KIF26B: variants seen among roughly 807,000 people sequenced by gnomAD.
The protein encoded by KIF26B is kinesin-like protein KIF26B.
In KIF26B, 63 loss-of-function variants were observed where a neutral mutation model predicts 151.2. The observed-to-expected ratio is 0.42, with a 90% CI of 0.34 to 0.51. The LOEUF (loss-of-function observed/expected upper bound fraction) is 0.51. Among genes scored for constraint, KIF26B ranks in the 20% least tolerant of loss-of-function variants. The probability of loss-of-function intolerance (pLI) is 0.07; values close to 1 mark genes in which losing one functional copy is unlikely to be tolerated. For synonymous variants in KIF26B, 1,357 were observed against 1,262.1 expected (o/e 1.08, Z -1.59); for missense variants, 2,813 against 2,913.6 (o/e 0.97, Z 0.79).
chr1:245,577,957 G>A (rs569977286), intron 5 of KIF26B, among the ~76,000 whole-genome samples: 19 of 150,816 alleles, frequency 1.3e-4, no homozygotes, highest in African/African-American at 2.7e-4. Context: ...TCCCCTCACC[G>A]GAAGAGCCTT....
intron 9 of KIF26B, among the ~76,000 whole-genome samples, chr1:245,629,610 C>A (rs927405383): frequency 6.6e-6 from 1 of 152,132 alleles, no homozygotes; most frequent in African/African-American, 2.4e-5. Flanking sequence ...GGATTAAAGA[C>A]TTAAATGTAA....
At chr1:245,441,389 A>G (rs1572062822) in intron 4 of KIF26B, among the ~76,000 whole-genome samples, 1 of 152,088 alleles carries the variant, frequency 6.6e-6, no homozygotes, top group African/African-American at 2.4e-5. Context: ...AAAACTATTG[A>G]CTTTTTCCCA....
In KIF26B at chr1:245,609,609, A is replaced by T; in HGVS notation, c.1914+81A>T. ...GCTGGGGCAGCTCCACCCGTGAATC[A>T]CTGAACCTGTAAACTCAGAGGCTTA... On this transcript the variant is annotated intron_variant, in intron 8 of 14. Coordinates refer to ENST00000407071, the MANE Select transcript of KIF26B (RefSeq NM_018012.4). 1.4e-6 allele frequency: 2 copies of T among 1,389,730 alleles called. 1 individual carries two copies. The highest frequency in any genetic ancestry group is 3.3e-5 in the South Asian group (2 of 60,644). The allele number at this position is 1,389,730 out of a possible 1,614,324, so 86.1% of individuals were successfully genotyped here.
intron 4 of KIF26B, among the ~76,000 whole-genome samples, chr1:245,473,878 G>A (rs775405635): frequency 4.0e-5 from 6 of 151,674 alleles, no homozygotes; most frequent in African/African-American, 1.2e-4. Context: ...CTGCTCTCTC[G>A]GTTTTTTTAT....
intron 3 of KIF26B, among the ~76,000 whole-genome samples, chr1:245,388,082 G>A (rs757146462): frequency 5.3e-5 from 8 of 152,188 alleles, no homozygotes; most frequent in Non-Finnish European, 1.0e-4. Flanking sequence ...GGAGACGAGC[G>A]CTGTCCTCAG....
chr1:245,478,523 G>A (rs974391638), intron 4 of KIF26B, among the ~76,000 whole-genome samples: 4 of 148,360 alleles, frequency 2.7e-5, no homozygotes, highest in Non-Finnish European at 3.0e-5. Context: ...CGCCTCCCGG[G>A]TTCACGCCAT....
chr1:245,590,768 T>A (rs1327516416), intron 5 of KIF26B, among the ~76,000 whole-genome samples: 1 of 151,624 alleles, frequency 6.6e-6, no homozygotes, highest in African/African-American at 2.4e-5. Flanking sequence ...ATTAGCTGGG[T>A]GTGGTTGTAT....
intron 2 of KIF26B, among the ~76,000 whole-genome samples, chr1:245,217,805 A>G (rs949832184): frequency 2.6e-5 from 4 of 152,164 alleles, no homozygotes; most frequent in African/African-American, 9.7e-5. Context: ...GAGGAAACCA[A>G]AGTTCAGAGC....
At chr1:245,414,046 T>C (rs1093960) in intron 3 of KIF26B, among the ~76,000 whole-genome samples, 97,277 of 152,158 alleles carry the variant, frequency 0.64, 31,687 homozygotes, top group Middle Eastern at 0.69. Context: ...CAGTAAAGCC[T>C]GTCCTTAGCT....
At chr1:245,673,331 T>TAGGCCCAGTCCCCG (rs1334707134) in intron 10 of KIF26B, among the ~76,000 whole-genome samples, 15 of 134,458 alleles carry the variant, frequency 1.1e-4, no homozygotes, top group East Asian at 6.6e-4. Flanking sequence ...GCTGCCATCT[T>TAGGCCCAGTCCCCG]AGGCCCAGTC....
chr1:245,296,845 G>A (rs1186709165), intron 2 of KIF26B, among the ~76,000 whole-genome samples: 1 of 152,118 alleles, frequency 6.6e-6, no homozygotes, highest in East Asian at 1.9e-4. Flanking sequence ...ACTTCATTTT[G>A]TAGTTTTTCC....
At chr1:245,519,553 CA>C (rs35436009) in intron 4 of KIF26B, among the ~76,000 whole-genome samples, 70,574 of 142,620 alleles carry the variant, frequency 0.49, 18,006 homozygotes, top group Non-Finnish European at 0.59. Flanking sequence ...AACCCCATCT[CA>C]AAAAAAAAAA....
In KIF26B at chr1:245,488,853, T is replaced by C. The variant is rs1660337918; in HGVS notation, c.1167-51914T>C. 6.6e-6 allele frequency among the ~76,000 whole-genome samples: 1 copy of C among 152,178 alleles called. No individual in the cohort carries two copies. Among genetic ancestry groups the C allele is most frequent in the Non-Finnish European group, 1.5e-5 (1 of 68,028 alleles). On this transcript the variant is annotated intron_variant, in intron 4 of 14. Transcript: ENST00000407071. The surrounding 1 kb of genome is among the most constrained non-coding windows in gnomAD (Gnocchi z 4.6). ...TCCTTAATAACAGAGGGACCAAGAC[T>C]CGATTCTTTATGCCTTAGGCTAGGT... is the stretch of plus-strand genomic sequence containing the variant.
intron 4 of KIF26B, among the ~76,000 whole-genome samples, chr1:245,484,861 C>A (rs1660246468): frequency 6.6e-6 from 1 of 151,768 alleles, no homozygotes; most frequent in Non-Finnish European, 1.5e-5. Flanking sequence ...TGTGACTGGG[C>A]CCCTGAGAGT....
At chr1:245,571,292 A>G (rs1448101925) in intron 5 of KIF26B, among the ~76,000 whole-genome samples, 5 of 152,180 alleles carry the variant, frequency 3.3e-5, no homozygotes, top group African/African-American at 1.2e-4. Context: ...CCCAAGCCCC[A>G]CCTATGTTTT....
intron 3 of KIF26B, among the ~76,000 whole-genome samples, chr1:245,374,919 A>C (rs1484581456): frequency 6.6e-6 from 1 of 152,090 alleles, no homozygotes; most frequent in South Asian, 2.1e-4. Flanking sequence ...AACTTCAAAA[A>C]TACGTTCAAT....
At chr1:245,641,297 A>AT (rs200751291) in intron 9 of KIF26B, among the ~76,000 whole-genome samples, 2 of 148,430 alleles carry the variant, frequency 1.3e-5, no homozygotes, top group Non-Finnish European at 1.5e-5. Context: ...TTTAATTATA[A>AT]TATGTCTTGG....
At chr1:245,264,062 G>A (rs1030661930) in intron 2 of KIF26B, among the ~76,000 whole-genome samples, 1 of 152,150 alleles carries the variant, frequency 6.6e-6, no homozygotes, top group Non-Finnish European at 1.5e-5. Flanking sequence ...ACAAACACAT[G>A]CAAAACTGAG....
intron 2 of KIF26B, among the ~76,000 whole-genome samples, chr1:245,202,809 C>T (rs980832033): frequency 3.4e-5 from 5 of 147,570 alleles, no homozygotes; most frequent in Admixed American, 2.7e-4. Flanking sequence ...GGCATGGTGG[C>T]GCATACCTAT....
Sources: allele counts gnomAD v4.1 joint callset (sites outside exome capture counted in the v4.1 genomes callset), GRCh38; gene constraint gnomAD v4.1.1; non-coding constraint Gnocchi (gnomAD v3.1); transcripts MANE v1.5; gene names NCBI Gene and HGNC (gene_info 2026-07-23, HGNC 2026-07-21).